TMEM131L: variants seen among roughly 807,000 people sequenced by gnomAD.
The protein encoded by TMEM131L is transmembrane protein 131-like.
A neutral mutation model predicts 192.2 loss-of-function variants in TMEM131L; 54 were observed. That is an observed-to-expected ratio of 0.28 (90% CI 0.23 to 0.35). The LOEUF (loss-of-function observed/expected upper bound fraction) is 0.35. TMEM131L is among the 10% of genes least tolerant of loss of function. The pLI is 1.00. For missense variants in TMEM131L, 1,888 were observed against 1,972.9 expected, an observed-to-expected ratio of 0.96 and a Z score of 0.82; for synonymous variants, 701 against 704.9, an observed-to-expected ratio of 0.99 and a Z score of 0.09.
intron 10 of TMEM131L, 146 bp downstream of exon 10, chr4:153,583,394 A>C: frequency 1.3e-6 from 1 of 750,100 alleles, no homozygotes; most frequent in East Asian, 2.5e-5. Flanking sequence ...CCTTGCTTGA[A>C]CCTCTGTTTG....
intron 24 of TMEM131L, 74 bp from the exon 25 acceptor site, chr4:153,603,728 A>C (rs1053322920): frequency 7.7e-5 from 111 of 1,450,524 alleles, no homozygotes; most frequent in Non-Finnish European, 1.0e-4. Context: ...CCCTTTTCTC[A>C]TGGATATGGA....
chr4:153,548,811 A>G (rs888811614), intron 3 of TMEM131L, among the ~76,000 whole-genome samples: 15 of 152,224 alleles, frequency 9.9e-5, no homozygotes, highest in East Asian at 7.7e-4. Flanking sequence ...TTCAAGAAAA[A>G]TGGGGCCTTG....
intron 3 of TMEM131L, among the ~76,000 whole-genome samples, chr4:153,487,045 C>A (rs1057234598): frequency 5.3e-5 from 8 of 152,188 alleles, no homozygotes; most frequent in Non-Finnish European, 8.8e-5. Context: ...CAGACCCCAC[C>A]CCAGACCTGG....
chr4:153,627,467 AT>A, intron 30 of TMEM131L, 137 bp from the exon 31 acceptor site: 1 of 617,624 alleles, frequency 1.6e-6, no homozygotes, highest in Non-Finnish European at 2.9e-6. Flanking sequence ...CATCCTTTAT[AT>A]CTGTATGTTT....
chr4:153,532,683 C>T (rs1255394812), intron 3 of TMEM131L, among the ~76,000 whole-genome samples: 1 of 151,902 alleles, frequency 6.6e-6, no homozygotes, highest in African/African-American at 2.4e-5. Flanking sequence ...AATTTCAGAT[C>T]ATCTTCAGCC....
At chr4:153,531,409 A>G (rs1157029426) in intron 3 of TMEM131L, among the ~76,000 whole-genome samples, 1 of 152,250 alleles carries the variant, frequency 6.6e-6, no homozygotes, top group Non-Finnish European at 1.5e-5. Context: ...ATTCCACTAC[A>G]GAGGATATAC....
intron 25 of TMEM131L, among the ~76,000 whole-genome samples, chr4:153,605,644 T>C (rs947937874): frequency 2.9e-4 from 44 of 152,240 alleles, no homozygotes; most frequent in African/African-American, 1.1e-3. Context: ...CGTGAGCCAC[T>C]GCTCCCAGCC....
intron 33 of TMEM131L, 83 bp downstream of exon 33, chr4:153,634,363 C>T: frequency 1.8e-6 from 2 of 1,107,904 alleles, no homozygotes; most frequent in Non-Finnish European, 2.7e-6. Context: ...AAGAAGAATC[C>T]TTTTAACAGC....
At chr4:153,479,611 T>C (rs921988592) in intron 3 of TMEM131L, among the ~76,000 whole-genome samples, 16 of 152,254 alleles carry the variant, frequency 1.1e-4, no homozygotes, top group Admixed American at 1.3e-4. Context: ...TCATAAATAC[T>C]GTCTAGGTAC....
intron 3 of TMEM131L, among the ~76,000 whole-genome samples, chr4:153,500,995 C>T (rs1032818290): frequency 6.6e-6 from 1 of 152,054 alleles, no homozygotes; most frequent in African/African-American, 2.4e-5. Context: ...AAAAAAAATT[C>T]TGGAAGATAG....
intron 3 of TMEM131L, among the ~76,000 whole-genome samples, chr4:153,526,342 T>C (rs1007265613): frequency 3.3e-5 from 5 of 152,170 alleles, no homozygotes; most frequent in Admixed American, 1.3e-4. Flanking sequence ...TATCCCTAAC[T>C]TCAAGTTTCC....
At chr4:153,522,854 C>T (rs1161590399) in intron 3 of TMEM131L, among the ~76,000 whole-genome samples, 2 of 152,204 alleles carry the variant, frequency 1.3e-5, no homozygotes, top group African/African-American at 4.8e-5. Context: ...CATCCTCCCA[C>T]TATCACTGCC....
At chr4:153,597,306 C>G (rs567414711) in intron 20 of TMEM131L, among the ~76,000 whole-genome samples, 1 of 149,282 alleles carries the variant, frequency 6.7e-6, no homozygotes, top group African/African-American at 2.5e-5. Context: ...TCATTTAAAC[C>G]GACTCTTCTT....
intron 26 of TMEM131L, among the ~76,000 whole-genome samples, chr4:153,613,391 T>C (rs892595671): frequency 5.3e-5 from 8 of 152,172 alleles, no homozygotes; most frequent in Admixed American, 4.6e-4. Context: ...GAGGTGGGAT[T>C]GAGAGGTAGG....
At chr4:153,523,796 AG>A (rs771894938) in intron 3 of TMEM131L, among the ~76,000 whole-genome samples, 1 of 152,218 alleles carries the variant, frequency 6.6e-6, no homozygotes, top group Non-Finnish European at 1.5e-5. Context: ...CACCCAGAAA[AG>A]ATCTCACCTT....
chr4:153,599,576 T>C (rs1731688628), intron 21 of TMEM131L, among the ~76,000 whole-genome samples: 1 of 152,236 alleles, frequency 6.6e-6, no homozygotes, highest in Non-Finnish European at 1.5e-5. Context: ...ATCAGAGTAC[T>C]GTTAAATATT....
intron 3 of TMEM131L, among the ~76,000 whole-genome samples, chr4:153,530,493 G>T (rs1011388831): frequency 6.6e-6 from 1 of 152,182 alleles, no homozygotes; most frequent in African/African-American, 2.4e-5. Flanking sequence ...AGACTTGAGG[G>T]TTGTTAGAGA....
At chr4:153,579,996 A>C (rs1431728883) in intron 7 of TMEM131L, among the ~76,000 whole-genome samples, 3 of 152,174 alleles carry the variant, frequency 2.0e-5, no homozygotes, top group Non-Finnish European at 4.4e-5. Flanking sequence ...ATTTGATGTT[A>C]GGACTGTGGC....
chr4:153,623,641 A>G (rs1360077096), intron 29 of TMEM131L, among the ~76,000 whole-genome samples: 1 of 152,238 alleles, frequency 6.6e-6, no homozygotes, highest in African/African-American at 2.4e-5. Flanking sequence ...TTCAGTTAGC[A>G]TAATGTCTTC....
Sources: allele counts gnomAD v4.1 joint callset (sites outside exome capture counted in the v4.1 genomes callset), GRCh38; gene constraint gnomAD v4.1.1; transcripts MANE v1.5; gene names NCBI Gene and HGNC (gene_info 2026-07-23, HGNC 2026-07-21).